ALDH1A2: variants seen among roughly 807,000 people sequenced by gnomAD.
The protein encoded by ALDH1A2 is retinal dehydrogenase 2.
A neutral mutation model predicts 60.3 loss-of-function variants in ALDH1A2; 27 were observed. The observed-to-expected ratio is 0.45, with a 90% CI of 0.33 to 0.62. ALDH1A2 has a LOEUF of 0.62. Among genes scored for constraint, ALDH1A2 ranks in the 20% least tolerant of loss-of-function variants. ALDH1A2 has a pLI of 0.02. For synonymous variants in ALDH1A2, 289 were observed against 232.4 expected (o/e 1.24, Z -2.21); for missense variants, 581 against 643.8 (o/e 0.90, Z 1.06).
At chr15:57,977,218 G>A (rs1451303810) in intron 7 of ALDH1A2, among the ~76,000 whole-genome samples, 2 of 151,956 alleles carry the variant, frequency 1.3e-5, no homozygotes, top group African/African-American at 4.8e-5. Flanking sequence ...TCACTCTGAT[G>A]ATAGTTTCTT....
At chr15:57,972,316 A>C (rs1403987349) in intron 7 of ALDH1A2, among the ~76,000 whole-genome samples, 1 of 152,132 alleles carries the variant, frequency 6.6e-6, no homozygotes, top group East Asian at 1.9e-4. Flanking sequence ...TGTGAGTAGC[A>C]TTTTGACAGT....
In ALDH1A2 at chr15:57,982,093, C is replaced by T. The variant is rs773178584; in HGVS notation, c.798+10612G>A. ...ATGTGGGTTAACAGATTAGTACCCA[C>T]CTGAACACCCCTCACTAGTGCCCAT... On this transcript the variant is annotated intron_variant, in intron 7 of 12. Transcript: ENST00000249750. 2.5e-4 allele frequency among the ~76,000 whole-genome samples: 38 copies of T among 152,168 alleles called. 1 individual carries two copies. The highest frequency in any genetic ancestry group is 4.9e-4 in the Non-Finnish European group (33 of 68,036).
At chr15:57,974,665 A>C (rs1052474570) in intron 7 of ALDH1A2, among the ~76,000 whole-genome samples, 16 of 152,068 alleles carry the variant, frequency 1.1e-4, no homozygotes, top group Non-Finnish European at 2.4e-4. Context: ...AAAACTATAA[A>C]ATTTCTAGAA....
At chr15:58,065,505 T>C in intron 1 of ALDH1A2, 29 bp downstream of exon 1, 6 of 1,566,536 alleles carry the variant, frequency 3.8e-6, no homozygotes, top group Non-Finnish European at 5.3e-6. Flanking sequence ...AAAGTCTCCG[T>C]GGACGACGGG....
intron 9 of ALDH1A2, among the ~76,000 whole-genome samples, chr15:57,963,247 AGGACTG>A (rs775613074): frequency 8.5e-5 from 13 of 152,142 alleles, no homozygotes; most frequent in Non-Finnish European, 1.8e-4. Flanking sequence ...AGTGATTGGA[AGGACTG>A]GGACTGGGTT....
At chr15:57,961,935 T>G in intron 10 of ALDH1A2, 77 bp downstream of exon 10, 1 of 1,564,860 alleles carries the variant, frequency 6.4e-7, no homozygotes, top group Middle Eastern at 1.7e-4. Context: ...GCTAAAACTC[T>G]AATATCATCC....
At position 58,036,064 on chromosome 15, in the gene ALDH1A2, G is replaced by A. The variant is rs560985302; in HGVS notation, c.118-21783C>T. ...TAGCTCTTACTACTTCTATTTAATA[G>A]TGTAATAACATTTGCTATTATAATA... On this transcript the variant is annotated intron_variant, in intron 1 of 12. Coordinates refer to ENST00000249750, the MANE Select transcript of ALDH1A2 (RefSeq NM_003888.4). 2.5e-4 allele frequency among the ~76,000 whole-genome samples: 38 copies of A among 151,674 alleles called. No individual in the cohort carries two copies. The East Asian group carries it at 2.5e-3, about 10-fold the overall frequency.
At chr15:57,980,756 G>T (rs1334455341) in intron 7 of ALDH1A2, 1 of 153,802 alleles carries the variant, frequency 6.5e-6, no homozygotes, top group African/African-American at 2.4e-5. Flanking sequence ...TGTTTTTGTT[G>T]TGTCTCTGCC....
chr15:58,061,291 C>A (rs1218736184), intron 1 of ALDH1A2, among the ~76,000 whole-genome samples: 3 of 151,770 alleles, frequency 2.0e-5, no homozygotes, highest in African/African-American at 4.8e-5. Context: ...AAAAAAAAAC[C>A]TGAAGTCCTC....
At chr15:57,998,091 C>T (rs1895127318) in intron 4 of ALDH1A2, among the ~76,000 whole-genome samples, 1 of 152,064 alleles carries the variant, frequency 6.6e-6, no homozygotes, top group East Asian at 1.9e-4. Context: ...CAGCCAATAT[C>T]ATACTGAACA....
At chr15:58,008,255 C>G (rs1345191316) in intron 4 of ALDH1A2, among the ~76,000 whole-genome samples, 1 of 152,074 alleles carries the variant, frequency 6.6e-6, no homozygotes, top group Non-Finnish European at 1.5e-5. Context: ...TGGGGAAAAA[C>G]AGTTACTTAG....
chr15:57,964,316 A>C lies in ALDH1A2; in HGVS notation c.902-247T>G, dbSNP rs1893826446. ...AACAGAGGTACTGAACCTCGTGTATAACAGGAGTCTCAAACCCCTATATAC... is the reference window on the plus strand; with the variant it reads ...AACAGAGGTACTGAACCTCGTGTATCACAGGAGTCTCAAACCCCTATATAC... On this transcript the variant is annotated intron_variant, in intron 8 of 12. Transcript: ENST00000249750. The C allele has an allele frequency of 2.4e-5, 12 of 509,580 alleles. No homozygotes were observed. In the South Asian group the frequency reaches 2.4e-4, roughly 10 times the overall value. The allele number at this position is 509,580 out of a possible 1,614,324, so 31.6% of individuals were successfully genotyped here. A position where few individuals can be genotyped will look rare whatever the true frequency, so the allele number is the denominator to read the frequency against.
intron 7 of ALDH1A2, among the ~76,000 whole-genome samples, chr15:57,980,906 T>C (rs1894477896): frequency 6.6e-6 from 1 of 152,166 alleles, no homozygotes; most frequent in African/African-American, 2.4e-5. Flanking sequence ...TGTGAATCCG[T>C]CTGGTCCTGG....
intron 7 of ALDH1A2, among the ~76,000 whole-genome samples, chr15:57,969,321 A>C (rs36071236): frequency 0.023 from 3,541 of 152,370 alleles, 53 homozygotes; most frequent in Middle Eastern, 0.034. Context: ...TCCACTAGAA[A>C]AAAAAATCTG....
In ALDH1A2 at chr15:57,957,138, G is replaced by A. The variant is rs568253297; in HGVS notation, c.1485-1869C>T. ...AGCAGCACGACTGAGGAGGCATGGA[G>A]GAGATAAAGAGCACTGAAGCTGGGG... On this transcript the variant is annotated intron_variant, in intron 12 of 12. Transcript: ENST00000249750. Among the ~76,000 whole-genome samples the A allele has an allele frequency of 3.3e-5, 5 of 151,942 alleles. No individual in the cohort carries two copies. In the South Asian group the frequency reaches 1.0e-3, roughly 31 times the overall value.
chr15:58,015,081 TTGAG>T (rs1895753541), intron 1 of ALDH1A2, among the ~76,000 whole-genome samples: 2 of 152,170 alleles, frequency 1.3e-5, no homozygotes, highest in African/African-American at 2.4e-5. Context: ...TAAATTCTTA[TTGAG>T]TGAGAAACCT....
intron 4 of ALDH1A2, among the ~76,000 whole-genome samples, 177 bp from the exon 5 acceptor site, chr15:57,995,316 A>G (rs1022450046): frequency 2.0e-5 from 3 of 151,920 alleles, no homozygotes; most frequent in Non-Finnish European, 2.9e-5. Context: ...GACATAGCAT[A>G]TTTCTGGATA....
intron 1 of ALDH1A2, among the ~76,000 whole-genome samples, chr15:58,018,642 A>G (rs1895845489): frequency 6.6e-6 from 1 of 152,208 alleles, no homozygotes; most frequent in Non-Finnish European, 1.5e-5. Context: ...AAATGATTAA[A>G]GCTGATGTCA....
intron 9 of ALDH1A2, 108 bp from the exon 10 acceptor site, chr15:57,962,284 C>A: frequency 7.3e-7 from 1 of 1,362,592 alleles, no homozygotes. Context: ...AGTTTAACTA[C>A]ACCCAGTCAG....
Sources: allele counts gnomAD v4.1 joint callset (sites outside exome capture counted in the v4.1 genomes callset), GRCh38; gene constraint gnomAD v4.1.1; transcripts MANE v1.5; gene names NCBI Gene and HGNC (gene_info 2026-07-23, HGNC 2026-07-21).